Variants in SUPV3L1 observed in about 807,000 individuals in gnomAD.
The protein encoded by SUPV3L1 is ATP-dependent RNA helicase SUPV3L1, mitochondrial.
A neutral mutation model predicts 70.0 loss-of-function variants in SUPV3L1; 35 were observed. The observed-to-expected ratio is 0.50, with a 90% confidence interval of 0.38 to 0.66. The LOEUF (loss-of-function observed/expected upper bound fraction) is 0.66. Ranked by LOEUF, SUPV3L1 falls within the 30% of genes least tolerant of loss-of-function variation. The pLI, the probability that SUPV3L1 is intolerant of heterozygous loss-of-function variation, is 0.00. For missense variants in SUPV3L1, 777 were observed against 961.5 expected, an observed-to-expected ratio of 0.81 and a Z score of 2.54; for synonymous variants, 364 against 341.9, an observed-to-expected ratio of 1.06 and a Z score of -0.71.
At chr10:69,186,123 C>T in intron 2 of SUPV3L1, 59 bp downstream of exon 2, 1 of 1,455,398 alleles carries the variant, frequency 6.9e-7, no homozygotes. Context: ...ACAGCTTGGT[C>T]AGGACTGTAC....
intron 8 of SUPV3L1, among the ~76,000 whole-genome samples, chr10:69,197,342 G>A (rs1842568749): frequency 6.6e-6 from 1 of 152,178 alleles, no homozygotes; most frequent in African/African-American, 2.4e-5. Context: ...TGGGGCTTGA[G>A]TAGATCTCTT....
intron 13 of SUPV3L1, among the ~76,000 whole-genome samples, chr10:69,203,455 G>C (rs1842737625): frequency 6.6e-6 from 1 of 152,072 alleles, no homozygotes; most frequent in Admixed American, 6.6e-5. Context: ...CTTGAGGTCA[G>C]GAATTCGAGA....
intron 3 of SUPV3L1, 110 bp downstream of exon 3, chr10:69,186,660 A>G (rs1043638040): frequency 1.2e-5 from 10 of 841,250 alleles, no homozygotes; most frequent in Middle Eastern, 5.2e-4. Flanking sequence ...TGGGTCTGGT[A>G]ACATCCTCTG....
chr10:69,180,267 A>T lies in SUPV3L1; in HGVS notation c.-25A>T. ...CCGCCGCCGTGTCCGCGGCTGCGCC[A>T]GACAGTGTAGAACCTGCGGCCTCGA... On this transcript the variant is annotated 5_prime_UTR_variant, in exon 1 of 15. Transcript: ENST00000359655. 1.0e-5 allele frequency: 16 copies of T among 1,605,416 alleles called. No homozygotes were observed. Among genetic ancestry groups the T allele is most frequent in the Non-Finnish European group, 1.3e-5 (15 of 1,174,916 alleles).
intron 2 of SUPV3L1, 70 bp from the exon 3 acceptor site, chr10:69,186,373 G>C: frequency 1.9e-6 from 2 of 1,067,070 alleles, no homozygotes; most frequent in Non-Finnish European, 2.9e-6. Context: ...GATGAGTTTG[G>C]TGTGGTGTGT....
intron 11 of SUPV3L1, among the ~76,000 whole-genome samples, chr10:69,200,924 GAGA>G (rs1267210260): frequency 9.2e-5 from 14 of 152,186 alleles, no homozygotes; most frequent in Non-Finnish European, 1.8e-4. Flanking sequence ...ATCCAGTGAG[GAGA>G]AGGTTAAATT....
At chr10:69,187,836 A>G (rs1554859345) in intron 4 of SUPV3L1, 80 bp downstream of exon 4, 2 of 915,876 alleles carry the variant, frequency 2.2e-6, no homozygotes, top group East Asian at 5.3e-5. Context: ...TTTTTATTGT[A>G]TTCTAGATAA....
chr10:69,186,028 G>A lies in SUPV3L1; in HGVS notation c.313G>A (p.Glu105Lys). 1 of 1,613,906 alleles carries A rather than the reference G, an allele frequency of 6.2e-7. No individual in the cohort carries two copies. The highest frequency in any genetic ancestry group is 1.1e-5 in the South Asian group (1 of 91,074). The change falls in exon 2 of 15, where the codon GAA becomes AAA. Residue 105 changes from glutamate (E) to lysine (K), a missense_variant. Around this residue, in one of 2 missense-constraint regions of SUPV3L1, gnomAD observed 158 missense variants for 138.3 expected, o/e 1.14. Transcript: ENST00000359655. ...CTTAGACAAATTTTACAAGAGGAAA[G>A]AAATTCAGAAACTGGGTGCTGATTA... ...KVLDKFYKRK[E>K]IQKLGADYGL... is the part of the protein sequence containing the mutation.
intron 1 of SUPV3L1, among the ~76,000 whole-genome samples, chr10:69,181,276 A>G (rs796762034): frequency 3.1e-4 from 47 of 152,230 alleles, no homozygotes; most frequent in African/African-American, 1.1e-3. Context: ...ATGATTAGGG[A>G]GGTAAGGGAG....
chr10:69,208,075 G>A, intron 14 of SUPV3L1, 134 bp downstream of exon 14: 1 of 1,127,264 alleles, frequency 8.9e-7, no homozygotes, highest in Non-Finnish European at 1.3e-6. Flanking sequence ...GTCCATAAAG[G>A]CAATTCAACT....
At chr10:69,194,812 A>G (rs1300264134) in intron 6 of SUPV3L1, among the ~76,000 whole-genome samples, 1 of 151,836 alleles carries the variant, frequency 6.6e-6, no homozygotes, top group Non-Finnish European at 1.5e-5. Context: ...GCCATCCTGA[A>G]CAACAGTGAG....
chr10:69,181,836 T>G (rs1011042650), intron 1 of SUPV3L1, among the ~76,000 whole-genome samples: 6 of 152,182 alleles, frequency 3.9e-5, no homozygotes, highest in African/African-American at 1.4e-4. Flanking sequence ...CTCTCAACTG[T>G]TAAAATAGCA....
chr10:69,198,660 T>G, intron 9 of SUPV3L1, 108 bp downstream of exon 9: 1 of 1,023,832 alleles, frequency 9.8e-7, no homozygotes, highest in Non-Finnish European at 1.4e-6. Flanking sequence ...AGCTGCTTGA[T>G]GTATTGGTAA....
intron 11 of SUPV3L1, 62 bp from the exon 12 acceptor site, chr10:69,202,377 A>G: frequency 4.0e-6 from 6 of 1,490,868 alleles, no homozygotes; most frequent in Non-Finnish European, 5.5e-6. Context: ...ATAACTTAAG[A>G]AAATTTGTCC....
At position 69,187,773 on chromosome 10, in the gene SUPV3L1, G is replaced by T; in HGVS notation, c.572+17G>T. The stretch of plus-strand genomic sequence containing the variant: ...ACCTAACTGGTTAGTTTCTCCATTT[G>T]TGGATTTGAAATTTTCAGTTTCTAA... On this transcript the variant is annotated intron_variant, in intron 4 of 14. Coordinates refer to ENST00000359655, the MANE Select transcript of SUPV3L1 (RefSeq NM_003171.5). 1.3e-6 allele frequency: 2 copies of T among 1,520,192 alleles called. No individual in the cohort carries two copies. Among genetic ancestry groups the T allele is most frequent in the Non-Finnish European group, 1.8e-6 (2 of 1,117,990 alleles). The allele number at this position is 1,520,192 out of a possible 1,614,324, so 94.2% of individuals were successfully genotyped here.
At chr10:69,193,245 T>C (rs1842444192) in intron 6 of SUPV3L1, 1 of 118,400 alleles carries the variant, frequency 8.4e-6, no homozygotes, top group African/African-American at 2.5e-5. Context: ...GGTGGGTGTG[T>C]ATATTAAACA....
rs1842287739 is a variant in SUPV3L1, at chr10:69,188,217, G to GA, written c.572+461_572+462insA. 4.6e-5 allele frequency among the ~76,000 whole-genome samples: 7 copies of GA among 152,230 alleles called. No individual in the cohort carries two copies. The South Asian group carries it at 1.5e-3, about 32-fold the overall frequency. The stretch of plus-strand genomic sequence containing the variant: ...CCAGCCCTTGGCCAGGAATTCGCAG[G>GA]GAACCCCCACACAGACTTCTGGGCT... On this transcript the variant is annotated intron_variant, in intron 4 of 14. Transcript: ENST00000359655.
Position 69,195,275 on chromosome 10 carries a change from C to T in SUPV3L1, c.931+10C>T, listed in dbSNP as rs202000590. 28 of 1,591,574 alleles carry T rather than the reference C, an allele frequency of 1.8e-5. No individual in the cohort carries two copies. Among genetic ancestry groups the T allele is most frequent in the East Asian group, 4.5e-5 (2 of 44,412 alleles). ...ACCAGAGCACTTCTAGGTTGGTGGT[C>T]GTAATGCTATAAAACCCGTGCTTTA... On this transcript the variant is annotated intron_variant, in intron 7 of 14. Coordinates refer to ENST00000359655, the MANE Select transcript of SUPV3L1 (RefSeq NM_003171.5).
At position 69,198,470 on chromosome 10, in the gene SUPV3L1, C is replaced by T; in HGVS notation, c.1122C>T (p.Ser374=). The change falls in exon 9 of 15, where the codon AGC becomes AGT. Residue 374 remains serine (S), a synonymous_variant. Transcript: ENST00000359655. The part of the protein sequence containing the change: ...LRPGDCIVCF[S]KNDIYSVSRQ... Reference sequence around the variant, plus strand: ...CTGGGGACTGCATTGTCTGTTTTAGCAAGAATGATATTTATTCTGTGAGTC... The same window carrying T: ...CTGGGGACTGCATTGTCTGTTTTAGTAAGAATGATATTTATTCTGTGAGTC... 6.2e-7 allele frequency: 1 copy of T among 1,613,956 alleles called. No homozygotes were observed. Among genetic ancestry groups the T allele is most frequent in the South Asian group, 1.1e-5 (1 of 91,068 alleles).
Sources: allele counts gnomAD v4.1 joint callset (sites outside exome capture counted in the v4.1 genomes callset), GRCh38; gene constraint gnomAD v4.1.1; regional missense constraint gnomAD v4.1.1; transcripts MANE v1.5; gene names NCBI Gene and HGNC (gene_info 2026-07-23, HGNC 2026-07-21).